ZBTB20: variants seen among roughly 807,000 people sequenced by gnomAD.
The protein encoded by ZBTB20 is zinc finger and BTB domain containing 20.
A neutral mutation model predicts 56.9 loss-of-function variants in ZBTB20; 9 were observed. That is an observed-to-expected ratio of 0.16 (90% confidence interval 0.10 to 0.28). The LOEUF is 0.28. Ranked by LOEUF, ZBTB20 falls within the 10% of genes least tolerant of loss-of-function variation. The pLI is 1.00. For synonymous variants in ZBTB20, 417 were observed against 420.7 expected (o/e 0.99, Z 0.11); for missense variants, 655 against 1,003.0 (o/e 0.65, Z 4.69).
At chr3:114,611,919 T>G (rs1657754335) in intron 6 of ZBTB20, among the ~76,000 whole-genome samples, 1 of 152,218 alleles carries the variant, frequency 6.6e-6, no homozygotes, top group Non-Finnish European at 1.5e-5. Context: ...AACTGTCTGA[T>G]AGCTATTGTT....
intron 4 of ZBTB20, among the ~76,000 whole-genome samples, chr3:114,846,306 C>T (rs1039267374): frequency 4.6e-5 from 7 of 152,266 alleles, no homozygotes; most frequent in African/African-American, 1.7e-4. Context: ...CACTCAAAGG[C>T]TCTTTATTCT....
chr3:114,841,991 C>T (rs1434827416), intron 4 of ZBTB20, among the ~76,000 whole-genome samples: 1 of 152,138 alleles, frequency 6.6e-6, no homozygotes, highest in Non-Finnish European at 1.5e-5. Flanking sequence ...ATACAACCCC[C>T]TTCATAGTAA....
intron 6 of ZBTB20, among the ~76,000 whole-genome samples, chr3:114,615,691 A>T (rs565395262): frequency 2.1e-4 from 32 of 152,336 alleles, no homozygotes; most frequent in African/African-American, 7.7e-4. Flanking sequence ...AACGTGACAG[A>T]TACCTGTCAT....
At chr3:114,942,249 T>C (rs2076745324) in intron 3 of ZBTB20, among the ~76,000 whole-genome samples, 1 of 145,986 alleles carries the variant, frequency 6.8e-6, no homozygotes, top group Non-Finnish European at 1.5e-5. Flanking sequence ...GATAACCAAC[T>C]GTCTTTTATA....
chr3:114,788,558 T>C (rs1302801493), intron 5 of ZBTB20, among the ~76,000 whole-genome samples: 1 of 152,202 alleles, frequency 6.6e-6, no homozygotes, highest in Non-Finnish European at 1.5e-5. Context: ...ATTTGTCCAT[T>C]CATGGACATT....
intron 2 of ZBTB20, among the ~76,000 whole-genome samples, chr3:114,999,709 A>T (rs1290268171): frequency 6.6e-6 from 1 of 151,654 alleles, no homozygotes; most frequent in African/African-American, 2.4e-5. Flanking sequence ...CATAAAGAAA[A>T]AAGAGTTTCA....
chr3:114,893,101 T>C (rs2076884302), intron 4 of ZBTB20, among the ~76,000 whole-genome samples: 1 of 152,092 alleles, frequency 6.6e-6, no homozygotes, highest in Admixed American at 6.5e-5. Flanking sequence ...ACCTTGTTTG[T>C]ACAAAAAGGG....
At chr3:115,026,590 T>C (rs1236770428) in intron 2 of ZBTB20, among the ~76,000 whole-genome samples, 1 of 150,830 alleles carries the variant, frequency 6.6e-6, no homozygotes, top group African/African-American at 2.4e-5. Context: ...AAGTACTAAA[T>C]GTGGTAATCC....
At chr3:115,126,615 C>G (rs900153344) in intron 1 of ZBTB20, among the ~76,000 whole-genome samples, 5 of 151,980 alleles carry the variant, frequency 3.3e-5, no homozygotes, top group Non-Finnish European at 7.4e-5. Flanking sequence ...ATAAATACAG[C>G]AGGCTATTAA....
intron 4 of ZBTB20, among the ~76,000 whole-genome samples, chr3:114,832,965 T>C (rs2073932963): frequency 6.6e-6 from 1 of 152,194 alleles, no homozygotes. Context: ...AACTCTCATT[T>C]TAACTGTTAG....
At chr3:114,885,299 C>T (rs1157049904) in intron 4 of ZBTB20, among the ~76,000 whole-genome samples, 3 of 152,204 alleles carry the variant, frequency 2.0e-5, no homozygotes, top group South Asian at 2.1e-4. Flanking sequence ...ACAAGATCTT[C>T]CCTTGAATGG....
chr3:114,611,246 G>A (rs978904301), intron 6 of ZBTB20, among the ~76,000 whole-genome samples: 2 of 152,152 alleles, frequency 1.3e-5, no homozygotes, highest in Non-Finnish European at 2.9e-5. Context: ...TTTTCAGGCG[G>A]CAGTCCTATC....
intron 5 of ZBTB20, among the ~76,000 whole-genome samples, chr3:114,727,365 C>T (rs2108521193): frequency 6.6e-6 from 1 of 152,306 alleles, no homozygotes; most frequent in Admixed American, 6.5e-5. Context: ...CACTTAACTG[C>T]CTGCCCCTTA....
At chr3:114,813,204 G>A (rs1008164833) in intron 4 of ZBTB20, among the ~76,000 whole-genome samples, 1 of 152,262 alleles carries the variant, frequency 6.6e-6, no homozygotes, top group African/African-American at 2.4e-5. Flanking sequence ...CTGCCAGCAC[G>A]CTGTCACCTC....
intron 7 of ZBTB20, among the ~76,000 whole-genome samples, chr3:114,475,719 TAG>T (rs1202354749): frequency 6.6e-6 from 1 of 152,170 alleles, no homozygotes; most frequent in Non-Finnish European, 1.5e-5. Context: ...AATAATCTTA[TAG>T]AATAAGGACC....
chr3:115,043,026 T>C (rs144694243), intron 2 of ZBTB20, among the ~76,000 whole-genome samples: 1 of 152,322 alleles, frequency 6.6e-6, no homozygotes, highest in Non-Finnish European at 1.5e-5. Flanking sequence ...AAAATTTTCA[T>C]TAACTTCTAT....
chr3:114,346,683 ATTTTTTT>A (rs34177643), intron 11 of ZBTB20, among the ~76,000 whole-genome samples: 5 of 136,922 alleles, frequency 3.7e-5, no homozygotes, highest in East Asian at 4.2e-4. Flanking sequence ...TCTCAAACAG[ATTTTTTT>A]TTTTTTTTTT....
rs553214692 is a variant in ZBTB20 at position 115,146,221 on chromosome 3, G to C, written c.-703+998C>G. Among the ~76,000 whole-genome samples, 67 of 152,258 alleles carry C rather than the reference G, an allele frequency of 4.4e-4. 1 individual carries two copies. Among genetic ancestry groups the C allele is most frequent in the African/African-American group, 1.4e-3 (59 of 41,530 alleles). ...AGAGATCAGCGGATTACCGCGCTAG[G>C]TACCGTAGCTGTACGCCATATTGTG... On this transcript the variant is annotated intron_variant, in intron 1 of 11. Coordinates refer to ENST00000675478, the MANE Select transcript of ZBTB20 (RefSeq NM_001348800.3).
chr3:115,083,613 T>C (rs1416181836), intron 1 of ZBTB20, among the ~76,000 whole-genome samples: 1 of 152,056 alleles, frequency 6.6e-6, no homozygotes, highest in Admixed American at 6.6e-5. Context: ...TATTCAGCCA[T>C]TCAGCACAAT....
Sources: allele counts gnomAD v4.1 joint callset (sites outside exome capture counted in the v4.1 genomes callset), GRCh38; gene constraint gnomAD v4.1.1; transcripts MANE v1.5; gene names NCBI Gene and HGNC (gene_info 2026-07-23, HGNC 2026-07-21).